Variants in DIPK2B observed in about 807,000 individuals in gnomAD.
The protein encoded by DIPK2B is divergent protein kinase domain 2B.
Under a neutral mutation model 22.2 loss-of-function variants are expected in DIPK2B, and 15 were observed. The ratio of observed to expected loss-of-function variants is 0.68; its 90% CI spans 0.45 to 1.04. The LOEUF (loss-of-function observed/expected upper bound fraction) is 1.04, where lower values mean the gene tolerates loss of function less well. DIPK2B is among the 50% of genes least tolerant of loss of function. DIPK2B has a pLI of 0.00. For missense variants in DIPK2B, 345 were observed against 348.3 expected, an observed-to-expected ratio of 0.99 and a Z score of 0.08; for synonymous variants, 163 against 153.2, an observed-to-expected ratio of 1.06 and a Z score of -0.47.
chrX:45,190,996 C>A (rs765620398), intron 2 of DIPK2B, among the ~76,000 whole-genome samples: 33 of 112,795 alleles, frequency 2.9e-4, no homozygotes, highest in Non-Finnish European at 4.9e-4. Context: ...TCCTTCCTGG[C>A]CGGGCGTGGT....
chrX:45,187,812 A>G (rs1465943862), intron 2 of DIPK2B, among the ~76,000 whole-genome samples: 4 of 109,847 alleles, frequency 3.6e-5, no homozygotes, highest in Non-Finnish European at 7.6e-5. Flanking sequence ...TTCTCCTCTC[A>G]TCTCTGCCTT....
rs1444785980 is a variant in DIPK2B, at chrX:45,150,491, G to A, written c.*1161C>T. The A allele has an allele frequency of 1.8e-5, 2 of 111,847 alleles. No individual in the cohort carries two copies. Among genetic ancestry groups the A allele is most frequent in the South Asian group, 3.8e-4 (1 of 2,658 alleles). The allele number at this position is 111,847 out of a possible 1,213,427, so 9.2% of individuals were successfully genotyped here. A position where few individuals can be genotyped will look rare whatever the true frequency, so the allele number is the denominator to read the frequency against. ...CCTAGACTCCTTAGAGTCCCAACTC[G>A]GAGCATGCGGTGTGGAGAGAGCTGG... On this transcript the variant is annotated 3_prime_UTR_variant, in exon 5 of 5. Coordinates refer to ENST00000398000, the MANE Select transcript of DIPK2B (RefSeq NM_176819.4).
intron 2 of DIPK2B, chrX:45,164,210 T>TA: frequency 8.3e-7 from 1 of 1,204,798 alleles, no homozygotes; most frequent in East Asian, 3.0e-5. Context: ...TATCTCAGCA[T>TA]ACACAGGAAC....
chrX:45,194,629 G>A (rs138812240), intron 1 of DIPK2B, among the ~76,000 whole-genome samples: 4,251 of 111,835 alleles, frequency 0.038, 87 homozygotes, highest in Non-Finnish European at 0.059. Context: ...TTAGCTCATA[G>A]AAACAGATTG....
At chrX:45,163,208 T>C (rs2047030872) in intron 2 of DIPK2B, 1 of 205,385 alleles carries the variant, frequency 4.9e-6, no homozygotes, top group African/African-American at 3.1e-5. Context: ...AGGAATTCTA[T>C]CTGCAAACTA....
intron 2 of DIPK2B, among the ~76,000 whole-genome samples, chrX:45,187,064 G>A (rs1271168433): frequency 8.9e-6 from 1 of 111,942 alleles, no homozygotes; most frequent in African/African-American, 3.3e-5. Context: ...AAACAAAGCT[G>A]ACTGAACACT....
In DIPK2B at chrX:45,191,883, G is replaced by T. The variant is rs779902848; in HGVS notation, c.366C>A (p.Asn122Lys). 2 of 1,210,493 alleles carry T rather than the reference G, an allele frequency of 1.7e-6. No homozygotes were observed. The highest frequency in any genetic ancestry group is 3.5e-5 in the South Asian group (2 of 56,877). ...CACAGATTCTCCTGTCTGAGATCTC[G>T]TTTTGATATTTGCTGACCAGTCTAA... ...EIFRLVSKYQ[N>K]EISDRRICAS... The change falls in exon 2 of 5, where the codon AAC becomes AAA. Residue 122 changes from asparagine (N) to lysine (K), a missense_variant. Transcript: ENST00000398000.
chrX:45,178,574 G>A (rs916685431), intron 2 of DIPK2B, among the ~76,000 whole-genome samples: 1 of 111,690 alleles, frequency 9.0e-6, no homozygotes, highest in African/African-American at 3.3e-5. Context: ...TTTTCCCTGA[G>A]AGCATTTTCC....
At chrX:45,164,594 CA>C (rs1379990140) in intron 2 of DIPK2B, among the ~76,000 whole-genome samples, 2 of 111,210 alleles carry the variant, frequency 1.8e-5, no homozygotes, top group Non-Finnish European at 3.8e-5. Flanking sequence ...ACATCACACA[CA>C]TGGGCCAGGG....
intron 2 of DIPK2B, among the ~76,000 whole-genome samples, chrX:45,164,612 T>C (rs5952698): frequency 0.31 from 33,743 of 110,377 alleles, 4,598 homozygotes; most frequent in African/African-American, 0.52. Flanking sequence ...AGGGGCCTGT[T>C]GGGGGTTGGG....
rs73477120 is a variant in DIPK2B at position 45,149,638 on chromosome X, A to G, written c.*2014T>C. ...AAGTCAGAGGCTGAAGGGGAGGGCA[A>G]TAGGAGCCTCCTAATAGCAATGGGG... On this transcript the variant is annotated 3_prime_UTR_variant, in exon 5 of 5. Transcript: ENST00000398000. 1.8e-5 allele frequency: 2 copies of G among 112,659 alleles called. No individual in the cohort carries two copies. Among genetic ancestry groups the G allele is most frequent in the African/African-American group, 6.5e-5 (2 of 30,962 alleles). The allele number at this position is 112,659 out of a possible 1,213,427, so 9.3% of individuals were successfully genotyped here.
Position 45,153,977 on chromosome X carries a change from G to A in DIPK2B, c.894C>T (p.Gly298=), listed in dbSNP as rs745794862. 9.1e-6 allele frequency: 11 copies of A among 1,208,277 alleles called. No homozygotes were observed. The highest frequency in any genetic ancestry group is 7.0e-5 in the African/African-American group (4 of 56,803). ...YFTHIDAGMF[G]VFNNGHLFIR... is the part of the protein sequence containing the mutation. ...TGAACAGATGCCCGTTGTTAAAGAC[G>A]CCGAACATGCCTGCATCAATGTGGG... Residue 298 remains glycine (G), a synonymous_variant, in exon 4 of 5, where the codon GGC becomes GGT. Transcript: ENST00000398000.
intron 3 of DIPK2B, among the ~76,000 whole-genome samples, chrX:45,155,179 T>C (rs2046986375): frequency 9.2e-6 from 1 of 108,959 alleles, no homozygotes; most frequent in Non-Finnish European, 1.9e-5. Flanking sequence ...TCCCAGCACT[T>C]TGGGAGGCCG....
In DIPK2B at chrX:45,165,805, A is replaced by G. The variant is rs922320649; in HGVS notation, c.499-7917T>C. ...CTCTCTCTTTGGAATTTCGGCACAA[A>G]CTCGGTTTACAAGCCTCACAGAACA... is the stretch of plus-strand genomic sequence containing the variant. On this transcript the variant is annotated intron_variant, in intron 2 of 4. Transcript: ENST00000398000. 3.3e-4 allele frequency among the ~76,000 whole-genome samples: 37 copies of G among 111,954 alleles called. No individual in the cohort carries two copies. In the Admixed American group the frequency reaches 3.5e-3, roughly 11 times the overall value.
chrX:45,177,309 A>C (rs1297593494), intron 2 of DIPK2B, among the ~76,000 whole-genome samples: 1 of 109,641 alleles, frequency 9.1e-6, no homozygotes, highest in Non-Finnish European at 1.9e-5. Flanking sequence ...TCTGTCTCAA[A>C]AAAAAAAGAA....
intron 3 of DIPK2B, 118 bp from the exon 4 acceptor site, chrX:45,154,316 T>TATCTATCTATC (rs1042997198): frequency 3.4e-6 from 2 of 588,396 alleles, no homozygotes; most frequent in Non-Finnish European, 4.9e-6. Flanking sequence ...TCTATCTATC[T>TATCTATCTATC]ATCTGTCTAT....
chrX:45,194,143 T>A (rs953038553), intron 1 of DIPK2B, among the ~76,000 whole-genome samples: 3 of 111,977 alleles, frequency 2.7e-5, no homozygotes, highest in South Asian at 7.4e-4. Context: ...AGTGATTATG[T>A]CATTTGCCCA....
At chrX:45,171,951 G>T (rs943336558) in intron 2 of DIPK2B, among the ~76,000 whole-genome samples, 1 of 112,062 alleles carries the variant, frequency 8.9e-6, no homozygotes, top group African/African-American at 3.3e-5. Flanking sequence ...CTTACTTGGG[G>T]TGTGTACCCC....
rs1422868736 is a variant in DIPK2B at position 45,151,746 on chromosome X, G to A, written c.1208C>T (p.Ala403Val). 8.3e-7 allele frequency: 1 copy of A among 1,211,890 alleles called. No individual in the cohort carries two copies. The highest frequency in any genetic ancestry group is 3.0e-5 in the East Asian group (1 of 33,848). The change falls in exon 5 of 5, where the codon GCC becomes GTC. Residue 403 changes from alanine to valine, a missense_variant. By Grantham distance (64) the Ala-to-Val change is moderately conservative (BLOSUM62 0). Coordinates refer to ENST00000398000, the MANE Select transcript of DIPK2B (RefSeq NM_176819.4). Reference protein sequence around the residue: ...IRPDPEVLGAASQLKDILRPL... With the variant: ...IRPDPEVLGAVSQLKDILRPL... ...CCTCAAGATGTCTTTCAGCTGGCTG[G>A]CGGCCCCAAGGACTTCTGGGTCTGG...
Sources: allele counts gnomAD v4.1 joint callset (sites outside exome capture counted in the v4.1 genomes callset), GRCh38; gene constraint gnomAD v4.1.1; transcripts MANE v1.5; gene names NCBI Gene and HGNC (gene_info 2026-07-23, HGNC 2026-07-21).